NUTF2: variants seen among roughly 807,000 people sequenced by gnomAD.
NUTF2 encodes nuclear transport factor 2, also known as placental protein 15.
In NUTF2, 3 loss-of-function variants were observed where a neutral mutation model predicts 18.5. That is an observed-to-expected ratio of 0.16 (90% CI 0.07 to 0.42). The LOEUF (loss-of-function observed/expected upper bound fraction) is 0.42. Ranked by LOEUF, NUTF2 falls within the 10% of genes least tolerant of loss-of-function variation. The pLI is 0.99. For missense variants in NUTF2, 44 were observed against 160.7 expected (o/e 0.27, Z 3.93); for synonymous variants, 51 against 57.9 (o/e 0.88, Z 0.54).
At chr16:67,854,954 G>A (rs1215599994) in intron 1 of NUTF2, among the ~76,000 whole-genome samples, 2 of 151,774 alleles carry the variant, frequency 1.3e-5, no homozygotes, top group Admixed American at 1.3e-4. Flanking sequence ...AAAAAAAAAA[G>A]TTGGGCAGGA....
At chr16:67,858,401 C>T (rs977493984) in intron 1 of NUTF2, among the ~76,000 whole-genome samples, 1 of 152,140 alleles carries the variant, frequency 6.6e-6, no homozygotes, top group African/African-American at 2.4e-5. Context: ...CTCCTGACCT[C>T]AAGTGATCTG....
chr16:67,867,252 G>T (rs2057979561), intron 2 of NUTF2, among the ~76,000 whole-genome samples: 1 of 152,214 alleles, frequency 6.6e-6, no homozygotes, highest in South Asian at 2.1e-4. Context: ...GATTACAGGT[G>T]TGAGCCACTG....
chr16:67,865,366 CAG>C (rs1318774272), intron 2 of NUTF2, 137 bp downstream of exon 2: 5 of 614,996 alleles, frequency 8.1e-6, no homozygotes, highest in South Asian at 4.0e-5. Context: ...GTCCACGGGA[CAG>C]GGGTCTGACG....
intron 1 of NUTF2, among the ~76,000 whole-genome samples, chr16:67,855,203 G>T (rs186651445): frequency 6.6e-6 from 1 of 152,288 alleles, no homozygotes; most frequent in East Asian, 1.9e-4. Context: ...TCCTTGGAGT[G>T]ACTTAGGTCA....
intron 1 of NUTF2, among the ~76,000 whole-genome samples, chr16:67,850,755 C>T (rs1011649955): frequency 6.6e-6 from 1 of 152,070 alleles, no homozygotes; most frequent in Non-Finnish European, 1.5e-5. Flanking sequence ...CCTCAGTTCT[C>T]AATTAGCTCA....
chr16:67,859,715 G>A (rs917440412), intron 1 of NUTF2, among the ~76,000 whole-genome samples: 11 of 151,116 alleles, frequency 7.3e-5, no homozygotes, highest in African/African-American at 2.4e-4. Flanking sequence ...AGGCTGGTCT[G>A]GAACTCCTGA....
intron 1 of NUTF2, among the ~76,000 whole-genome samples, chr16:67,857,829 G>A (rs557164726): frequency 7.8e-4 from 119 of 152,378 alleles, no homozygotes; most frequent in South Asian, 1.0e-3. Context: ...AGATAGCTGG[G>A]TGGACAACAA....
chr16:67,856,195 TTG>T, intron 1 of NUTF2: 12 of 298,582 alleles, frequency 4.0e-5, no homozygotes, highest in East Asian at 5.7e-5. Flanking sequence ...CAGTTTTTTT[TTG>T]TTGTTGTTGT....
chr16:67,862,986 G>T (rs1402795145), intron 1 of NUTF2, among the ~76,000 whole-genome samples: 1 of 152,202 alleles, frequency 6.6e-6, no homozygotes, highest in Admixed American at 6.5e-5. Flanking sequence ...TAGGCAGTGG[G>T]TATGGCACCT....
intron 2 of NUTF2, among the ~76,000 whole-genome samples, 194 bp downstream of exon 2, chr16:67,865,423 C>A (rs1204719561): frequency 1.3e-5 from 2 of 152,222 alleles, no homozygotes; most frequent in African/African-American, 2.4e-5. Flanking sequence ...CTTTTGTCAA[C>A]TTCCACAAGA....
intron 1 of NUTF2, 86 bp downstream of exon 1, chr16:67,847,071 C>T (rs965406635): frequency 6.7e-6 from 1 of 150,148 alleles, no homozygotes; most frequent in Admixed American, 6.6e-5. Flanking sequence ...CTGAGAGTCC[C>T]CGGGCGGCCC....
chr16:67,850,104 C>T (rs1055305086), intron 1 of NUTF2, among the ~76,000 whole-genome samples: 1 of 151,942 alleles, frequency 6.6e-6, no homozygotes, highest in African/African-American at 2.4e-5. Flanking sequence ...CAAGGGTTTT[C>T]TTCAGGGACA....
At chr16:67,856,036 C>T in intron 1 of NUTF2, 1 of 799,508 alleles carries the variant, frequency 1.3e-6, no homozygotes. Context: ...TGCTCAGGGG[C>T]CGGCACTCAC....
chr16:67,856,020 C>T (rs2057894200), intron 1 of NUTF2: 14 of 993,296 alleles, frequency 1.4e-5, no homozygotes, highest in Non-Finnish European at 2.2e-5. Context: ...TTGAAGCGTA[C>T]TGTCTTGCTC....
chr16:67,847,506 C>A (rs898980268), intron 1 of NUTF2: 1 of 152,410 alleles, frequency 6.6e-6, no homozygotes. Flanking sequence ...TCACCCTGTT[C>A]CCGACCATAG....
intron 1 of NUTF2, among the ~76,000 whole-genome samples, chr16:67,850,314 C>T (rs2057844147): frequency 6.6e-6 from 1 of 151,704 alleles, no homozygotes; most frequent in Non-Finnish European, 1.5e-5. Flanking sequence ...ACGCCATTCT[C>T]CTGCCTCAGC....
intron 1 of NUTF2, among the ~76,000 whole-genome samples, chr16:67,849,088 A>G (rs2057832188): frequency 6.6e-6 from 1 of 152,162 alleles, no homozygotes; most frequent in African/African-American, 2.4e-5. Context: ...CCTAGTCCAT[A>G]TCCTGGCCCA....
intron 2 of NUTF2, among the ~76,000 whole-genome samples, chr16:67,866,976 CTTT>C (rs1299704183): frequency 1.4e-5 from 2 of 144,002 alleles, no homozygotes; most frequent in Non-Finnish European, 1.5e-5. Context: ...ATCACTCTCC[CTTT>C]TTTTTTTTTT....
Position 67,868,556 on chromosome 16 carries a change from C to T in NUTF2, c.227C>T (p.Thr76Ile). ...ATCACCGCGCAGGACCATCAGCCCA[C>T]TCCAGATAGCTGCATCATCAGCATG... ...HSITAQDHQP[T>I]PDSCIISMVV... Residue 76 changes from threonine (T) to isoleucine (I), a missense_variant, in exon 4 of 5, where the codon ACT becomes ATT. Physicochemically the swap from Thr to Ile is moderately conservative, Grantham distance 89. Coordinates refer to ENST00000219169, the MANE Select transcript of NUTF2 (RefSeq NM_005796.3). 1 of 1,614,096 alleles carries T rather than the reference C, an allele frequency of 6.2e-7. No homozygotes were observed. Among genetic ancestry groups the T allele is most frequent in the Non-Finnish European group, 8.5e-7 (1 of 1,180,012 alleles).
Sources: allele counts gnomAD v4.1 joint callset (sites outside exome capture counted in the v4.1 genomes callset), GRCh38; gene constraint gnomAD v4.1.1; transcripts MANE v1.5; gene names NCBI Gene and HGNC (gene_info 2026-07-23, HGNC 2026-07-21).